The following NBEA variants were observed in gnomAD, a reference collection of about 807,000 sequenced individuals.
NBEA encodes lysosomal-trafficking regulator 2.
NBEA carries 44 observed loss-of-function variants against 343.4 expected under a neutral mutation model. The ratio of observed to expected loss-of-function variants is 0.13; its 90% CI spans 0.10 to 0.16. NBEA has a LOEUF of 0.16. Ranked by LOEUF, NBEA falls within the 10% of genes least tolerant of loss-of-function variation. NBEA has a pLI of 1.00. For missense variants in NBEA, 2,555 were observed against 3,631.3 expected (o/e 0.70, Z 7.62); for synonymous variants, 1,175 against 1,238.7 (o/e 0.95, Z 1.08).
At chr13:35,146,967 A>G (rs994972576) in intron 18 of NBEA, among the ~76,000 whole-genome samples, 7 of 152,160 alleles carry the variant, frequency 4.6e-5, no homozygotes, top group African/African-American at 1.7e-4. Context: ...GGCAAGCATC[A>G]GTATGGGGGT....
In NBEA at chr13:35,566,560, T is replaced by C. The variant is rs1042018052; in HGVS notation, c.6923-345T>C. Among the ~76,000 whole-genome samples the C allele has an allele frequency of 5.3e-5, 8 of 152,060 alleles. No homozygotes were observed. The East Asian group carries it at 1.5e-3, about 29-fold the overall frequency. On this transcript the variant is annotated intron_variant, in intron 44 of 58. Coordinates refer to ENST00000379939, the MANE Select transcript of NBEA (RefSeq NM_001385012.1). ...ATGCAGGAAGTTTCAGTGGGCCAAG[T>C]CTTGAAGAGACTTTGCTCACATTCT... is the stretch of plus-strand genomic sequence containing the variant.
intron 38 of NBEA, among the ~76,000 whole-genome samples, chr13:35,406,847 T>G (rs952154808): frequency 6.6e-6 from 1 of 152,160 alleles, no homozygotes; most frequent in Non-Finnish European, 1.5e-5. Flanking sequence ...AAATATTTTG[T>G]GAGAGTTGAG....
chr13:35,438,868 CAG>C (rs1201559613), intron 39 of NBEA, among the ~76,000 whole-genome samples: 1 of 152,142 alleles, frequency 6.6e-6, no homozygotes, highest in Non-Finnish European at 1.5e-5. Flanking sequence ...ATACATTTGA[CAG>C]ATATTATGTA....
rs144087108 is a variant in NBEA at position 35,641,086 on chromosome 13, AATT to A, written c.7618-4777_7618-4775del. ...CTTTAACAATTCCAGGTAAAGAAAT[AATT>A]ATTATAATTATTTTATGAGACAATT... On this transcript the variant is annotated intron_variant, in intron 49 of 58. Coordinates refer to ENST00000379939, the MANE Select transcript of NBEA (RefSeq NM_001385012.1). Among the ~76,000 whole-genome samples, 1,189 of 152,202 alleles carry A rather than the reference AATT, an allele frequency of 7.8e-3. 17 individuals carry two copies. Among genetic ancestry groups the A allele is most frequent in the African/African-American group, 0.027 (1,110 of 41,536 alleles).
At chr13:35,003,606 A>G (rs2061219004) in intron 1 of NBEA, among the ~76,000 whole-genome samples, 2 of 152,162 alleles carry the variant, frequency 1.3e-5, no homozygotes, top group African/African-American at 2.4e-5. Context: ...GTTCATAGAT[A>G]TGGAAATAAT....
chr13:34,967,534 A>G lies in NBEA; in HGVS notation c.294+24420A>G, dbSNP rs77663234. Among the ~76,000 whole-genome samples, 758 of 152,130 alleles carry G rather than the reference A, an allele frequency of 5.0e-3. 6 individuals carry two copies. Among genetic ancestry groups the G allele is most frequent in the African/African-American group, 0.017 (711 of 41,532 alleles). ...AGACTGTTTTTGTCTTCAAGTAGTA[A>G]TATCCTGGGAAAGATAGACAAGTAA... On this transcript the variant is annotated intron_variant, in intron 1 of 58. Coordinates refer to ENST00000379939, the MANE Select transcript of NBEA (RefSeq NM_001385012.1).
At chr13:35,163,642 T>C (rs1215240082) in intron 23 of NBEA, among the ~76,000 whole-genome samples, 2 of 152,042 alleles carry the variant, frequency 1.3e-5, no homozygotes. Flanking sequence ...AATTATATTC[T>C]TGACTGACAC....
intron 41 of NBEA, among the ~76,000 whole-genome samples, chr13:35,540,357 C>T (rs558740313): frequency 1.3e-5 from 2 of 152,172 alleles, no homozygotes; most frequent in Non-Finnish European, 2.9e-5. Flanking sequence ...AAAGTAAATA[C>T]TGGAAACTAG....
At chr13:35,151,395 T>C (rs1303523091) in intron 18 of NBEA, among the ~76,000 whole-genome samples, 4 of 151,746 alleles carry the variant, frequency 2.6e-5, no homozygotes, top group Non-Finnish European at 4.4e-5. Flanking sequence ...TATACAAAAT[T>C]AGCCAGGCGT....
chr13:35,210,676 A>G (rs2073711169), intron 32 of NBEA, among the ~76,000 whole-genome samples: 1 of 152,168 alleles, frequency 6.6e-6, no homozygotes, highest in African/African-American at 2.4e-5. Context: ...ACTCCAAACT[A>G]TGTCTTAAAT....
intron 1 of NBEA, among the ~76,000 whole-genome samples, chr13:34,979,463 T>C (rs2060284993): frequency 6.6e-6 from 1 of 151,922 alleles, no homozygotes; most frequent in Non-Finnish European, 1.5e-5. Flanking sequence ...GAGGTTGCAG[T>C]GAGCCAAGAT....
At chr13:34,972,585 C>T (rs950280108) in intron 1 of NBEA, among the ~76,000 whole-genome samples, 11 of 151,916 alleles carry the variant, frequency 7.2e-5, no homozygotes, top group Admixed American at 5.2e-4. Context: ...TATTATTTAC[C>T]CAAAAGTCAT....
rs5802761 is a variant in NBEA at position 35,308,438 on chromosome 13, C to CTATA, written c.5839-1058_5839-1055dup. Among the ~76,000 whole-genome samples, 128 of 88,960 alleles carry CTATA rather than the reference C, an allele frequency of 1.4e-3. 1 individual carries two copies. The highest frequency in any genetic ancestry group is 4.9e-3 in the African/African-American group (104 of 21,068). 58.4% of individuals were successfully genotyped at this position (88,960 alleles called of 152,430 possible). A position where few individuals can be genotyped will look rare whatever the true frequency, so the allele number is the denominator to read the frequency against. On this transcript the variant is annotated intron_variant, in intron 35 of 58. Coordinates refer to ENST00000379939, the MANE Select transcript of NBEA (RefSeq NM_001385012.1). ...TTTCAATCCAAAACACTGCTATTTA[C>CTATA]TATATATATATATATATATATATAT...
chr13:35,645,554 A>G (rs2084185428), intron 49 of NBEA, among the ~76,000 whole-genome samples: 1 of 152,162 alleles, frequency 6.6e-6, no homozygotes, highest in South Asian at 2.1e-4. Flanking sequence ...CACAGGCTTT[A>G]ATGAAATATT....
chr13:35,560,803 A>G (rs963298817), intron 44 of NBEA, among the ~76,000 whole-genome samples: 2 of 152,148 alleles, frequency 1.3e-5, no homozygotes, highest in African/African-American at 2.4e-5. Context: ...AATGGTAGCA[A>G]TTCTTCGAGA....
At chr13:35,027,867 T>G (rs2062069616) in intron 1 of NBEA, among the ~76,000 whole-genome samples, 1 of 151,970 alleles carries the variant, frequency 6.6e-6, no homozygotes, top group African/African-American at 2.4e-5. Flanking sequence ...AAATATCTTA[T>G]AGGTGGAGGT....
Position 35,389,157 on chromosome 13 carries a change from C to CA in NBEA, c.6179+36837dup, listed in dbSNP as rs35743754. On this transcript the variant is annotated intron_variant, in intron 38 of 58. Transcript: ENST00000379939. ...ATCAATTCTTGGTCTAACAAAATGC[C>CA]AAATGCAGATGAAAGCCATTCTGAT... Among the ~76,000 whole-genome samples, 389 of 152,198 alleles carry CA rather than the reference C, an allele frequency of 2.6e-3. 2 individuals are homozygous for CA. The highest frequency in any genetic ancestry group is 9.0e-3 in the African/African-American group (375 of 41,542).
chr13:35,207,176 A>G (rs1367769272), intron 31 of NBEA, among the ~76,000 whole-genome samples: 3 of 151,934 alleles, frequency 2.0e-5, no homozygotes, highest in Non-Finnish European at 2.9e-5. Context: ...ACAAATATAG[A>G]TTATTAACAT....
chr13:35,356,371 G>C (rs1480295813), intron 38 of NBEA, among the ~76,000 whole-genome samples: 2 of 152,080 alleles, frequency 1.3e-5, no homozygotes, highest in African/African-American at 4.8e-5. Context: ...AACAGCAAAA[G>C]TTGCTTTTGA....
Sources: gnomAD v4.1 joint callset for allele counts (sites outside exome capture counted in the v4.1 genomes callset) on GRCh38, gnomAD v4.1.1 for gene constraint, MANE v1.5 for transcripts, NCBI Gene and HGNC (gene_info 2026-07-23, HGNC 2026-07-21) for gene names.